MTMR12: variants seen among roughly 807,000 people sequenced by gnomAD.
MTMR12 encodes the protein myotubularin-related protein 12.
Under a neutral mutation model 96.7 loss-of-function variants are expected in MTMR12, and 33 were observed. The ratio of observed to expected loss-of-function variants is 0.34; its 90% CI spans 0.26 to 0.46. The LOEUF (loss-of-function observed/expected upper bound fraction) is 0.46. MTMR12 is among the 20% of genes least tolerant of loss of function. The probability of loss-of-function intolerance (pLI) is 1.00; values close to 1 mark genes in which losing one functional copy is unlikely to be tolerated. For missense variants in MTMR12, 721 were observed against 896.1 expected (o/e 0.80, Z 2.49); for synonymous variants, 298 against 327.2 (o/e 0.91, Z 0.96).
At chr5:32,239,294 C>T (rs1748367011) in intron 12 of MTMR12, 121 bp from the exon 13 acceptor site, 2 of 1,029,040 alleles carry the variant, frequency 1.9e-6, no homozygotes, top group Non-Finnish European at 2.6e-6. Context: ...CTACTATTAA[C>T]AGTCATGTTC....
chr5:32,230,319 G>T lies in MTMR12; in HGVS notation c.1703C>A (p.Thr568Lys), dbSNP rs1429427106. Reference sequence around the variant, plus strand: ...TCTTTTGGGAGATGACTTAGATTGTGTAAGTGGCAAAGAAAGTTGTCGTTG... The same window carrying T: ...TCTTTTGGGAGATGACTTAGATTGTTTAAGTGGCAAAGAAAGTTGTCGTTG... ...KHQRQLSLPL[T>K]QSKSSPKRGF... is the part of the protein sequence containing the mutation. The change falls in exon 16 of 16, where the codon ACA becomes AAA. Residue 568 changes from threonine to lysine, a missense_variant. Coordinates refer to ENST00000382142, the MANE Select transcript of MTMR12 (RefSeq NM_001040446.3). 3.7e-6 allele frequency: 6 copies of T among 1,603,264 alleles called. No homozygotes were observed. The highest frequency in any genetic ancestry group is 5.1e-6 in the Non-Finnish European group (6 of 1,176,838).
intron 13 of MTMR12, among the ~76,000 whole-genome samples, chr5:32,237,412 G>A (rs1305543132): frequency 6.6e-6 from 1 of 152,184 alleles, no homozygotes; most frequent in Non-Finnish European, 1.5e-5. Flanking sequence ...CAGGCCTGGA[G>A]CGATTAGTCC....
At position 32,229,528 on chromosome 5, in the gene MTMR12, G is replaced by A. The variant is rs1747903039; in HGVS notation, c.*250C>T. ...TATAATACTTAGGCATCAGAAAACG[G>A]CCACAACCCTATTACGGGTCAAGTA... On this transcript the variant is annotated 3_prime_UTR_variant, in exon 16 of 16. Transcript: ENST00000382142. 1 of 342,500 alleles carries A rather than the reference G, an allele frequency of 2.9e-6. No individual in the cohort carries two copies. Among genetic ancestry groups the A allele is most frequent in the East Asian group, 4.6e-5 (1 of 21,790 alleles). The allele number at this position is 342,500 out of a possible 1,614,324, so 21.2% of individuals were successfully genotyped here. A position where few individuals can be genotyped will look rare whatever the true frequency, so the allele number is the denominator to read the frequency against.
chr5:32,307,587 T>A (rs1751409536), intron 1 of MTMR12, among the ~76,000 whole-genome samples: 1 of 152,212 alleles, frequency 6.6e-6, no homozygotes, highest in Non-Finnish European at 1.5e-5. Context: ...TATGGTCCTA[T>A]ATACAAAATT....
In MTMR12 at chr5:32,271,902, T is replaced by C; in HGVS notation, c.289A>G (p.Thr97Ala). 6.5e-7 allele frequency: 1 copy of C among 1,543,314 alleles called. No homozygotes were observed. Among genetic ancestry groups the C allele is most frequent in the Non-Finnish European group, 8.9e-7 (1 of 1,129,322 alleles). ...DDESALDNDETQFKNKVIGEN... is the reference protein window; with the variant it reads ...DDESALDNDEAQFKNKVIGEN... ...CCTATAACCTTATTCTTAAATTGAG[T>C]TTCCTAGAAGATTCAAAAGGAAACA... is the stretch of plus-strand genomic sequence containing the variant. Residue 97 changes from threonine to alanine, a missense_variant, in exon 4 of 16, where the codon ACT (threonine) becomes GCT (alanine). By Grantham distance (58) the Thr-to-Ala change is moderately conservative. Coordinates refer to ENST00000382142, the MANE Select transcript of MTMR12 (RefSeq NM_001040446.3).
In MTMR12 at chr5:32,229,571, G is replaced by A. The variant is rs1873921; in HGVS notation, c.*207C>T. 0.76 allele frequency: 324,516 copies of A among 425,922 alleles called. 125,107 individuals are homozygous for A. The highest frequency in any genetic ancestry group is 0.95 in the African/African-American group (46,724 of 49,194). The allele number at this position is 425,922 out of a possible 1,614,324, so 26.4% of individuals were successfully genotyped here. A position where few individuals can be genotyped will look rare whatever the true frequency, so the allele number is the denominator to read the frequency against. On this transcript the variant is annotated 3_prime_UTR_variant, in exon 16 of 16. Transcript: ENST00000382142. ...GTCAAGTAATAATTCCTTCCAATTA[G>A]TAATACTACAGATGCGGTTTTAATT...
At chr5:32,250,803 C>A (rs758303496) in intron 8 of MTMR12, among the ~76,000 whole-genome samples, 2 of 152,062 alleles carry the variant, frequency 1.3e-5, no homozygotes, top group African/African-American at 2.4e-5. Context: ...TCATCTGAGG[C>A]GTGAAGGGCC....
At chr5:32,258,303 A>G (rs192410921) in intron 7 of MTMR12, among the ~76,000 whole-genome samples, 16 of 152,366 alleles carry the variant, frequency 1.1e-4, no homozygotes, top group African/African-American at 2.4e-4. Flanking sequence ...ATATTTTCTT[A>G]TAAGTCTGAC....
At chr5:32,294,323 G>A (rs755231601) in intron 1 of MTMR12, among the ~76,000 whole-genome samples, 5 of 150,986 alleles carry the variant, frequency 3.3e-5, no homozygotes, top group African/African-American at 4.9e-5. Context: ...TTTTTTTAAA[G>A]ACAGAGTCTC....
chr5:32,250,463 C>T (rs1748871629), intron 8 of MTMR12, among the ~76,000 whole-genome samples: 1 of 152,162 alleles, frequency 6.6e-6, no homozygotes, highest in South Asian at 2.1e-4. Flanking sequence ...ATCAAAGGGC[C>T]CTTTGCTGTT....
At chr5:32,231,283 G>T (rs1194423819) in intron 15 of MTMR12, among the ~76,000 whole-genome samples, 1 of 150,842 alleles carries the variant, frequency 6.6e-6, no homozygotes, top group Non-Finnish European at 1.5e-5. Flanking sequence ...CGAGGCTGAG[G>T]GAGGAGAATT....
chr5:32,290,922 T>C (rs1290958226), intron 1 of MTMR12, among the ~76,000 whole-genome samples: 6 of 152,238 alleles, frequency 3.9e-5, no homozygotes, highest in Non-Finnish European at 5.9e-5. Flanking sequence ...CAAGTCACCA[T>C]GCGACCTGAA....
intron 1 of MTMR12, among the ~76,000 whole-genome samples, chr5:32,292,709 A>T (rs1750778745): frequency 6.6e-6 from 1 of 152,244 alleles, no homozygotes; most frequent in African/African-American, 2.4e-5. Context: ...AGGCAGGACT[A>T]CAAATGGTCC....
rs202005526 is a variant in MTMR12, at chr5:32,228,532, A to ATGTAATATATATATATCATATATATG, written c.*1245_*1246insCATATATATGATATATATATATTACA. 1.4e-5 allele frequency: 2 copies of ATGTAATATATATATATCATATATATG among 140,904 alleles called. 1 individual carries two copies. The highest frequency in any genetic ancestry group is 5.5e-5 in the African/African-American group (2 of 36,174). 8.7% of individuals were successfully genotyped at this position (140,904 alleles called of 1,614,324 possible). ...ATTAAAAAAAATATATATCATATAT[A>ATGTAATATATATATATCATATATATG]TGATATATATATCATATATATGTGA... On this transcript the variant is annotated 3_prime_UTR_variant, in exon 16 of 16. Transcript: ENST00000382142.
rs1213366651 is a variant in MTMR12 at position 32,248,107 on chromosome 5, T to C, written c.916A>G (p.Arg306Gly). The C allele has an allele frequency of 1.2e-6, 2 of 1,613,864 alleles. No homozygotes were observed. The highest frequency in any genetic ancestry group is 2.2e-5 in the South Asian group (2 of 91,062). ...GTTTTAACAATTTCATAGGGTGGCC[T>C]GTGGATGGTCTTGTAAATTCTAGGT... is the stretch of plus-strand genomic sequence containing the variant. The part of the protein sequence containing the change: ...FLDGIYKTIH[R>G]PPYEIVKTED... Residue 306 changes from arginine (R) to glycine (G), a missense_variant, in exon 10 of 16, where the codon AGG becomes GGG. Arg to Gly is a moderately radical substitution (Grantham distance 125, BLOSUM62 -2). Coordinates refer to ENST00000382142, the MANE Select transcript of MTMR12 (RefSeq NM_001040446.3).
At chr5:32,260,304 C>T (rs1749313586) in intron 7 of MTMR12, among the ~76,000 whole-genome samples, 1 of 151,518 alleles carries the variant, frequency 6.6e-6, no homozygotes, top group African/African-American at 2.4e-5. Flanking sequence ...CCATGAGATG[C>T]ATGTGGAGTA....
chr5:32,304,369 C>T (rs895157148), intron 1 of MTMR12, among the ~76,000 whole-genome samples: 5 of 152,052 alleles, frequency 3.3e-5, no homozygotes, highest in African/African-American at 1.2e-4. Context: ...GATACACACT[C>T]ACGAACAAAA....
At chr5:32,261,409 G>C (rs1473793013) in intron 7 of MTMR12, among the ~76,000 whole-genome samples, 1 of 151,838 alleles carries the variant, frequency 6.6e-6, no homozygotes, top group Non-Finnish European at 1.5e-5. Flanking sequence ...CCCTCCACCT[G>C]GAATGCTCCT....
At chr5:32,283,542 C>T (rs1750393167) in intron 1 of MTMR12, among the ~76,000 whole-genome samples, 1 of 152,128 alleles carries the variant, frequency 6.6e-6, no homozygotes, top group South Asian at 2.1e-4. Flanking sequence ...AAAGTCAAAC[C>T]CTGTGCGCAG....
Sources: gnomAD v4.1 joint callset for allele counts (sites outside exome capture counted in the v4.1 genomes callset) on GRCh38, gnomAD v4.1.1 for gene constraint, MANE v1.5 for transcripts, NCBI Gene and HGNC (gene_info 2026-07-23, HGNC 2026-07-21) for gene names.